WWP1: variants seen among roughly 807,000 people sequenced by gnomAD.
WWP1 encodes the protein NEDD4-like E3 ubiquitin-protein ligase WWP1.
In WWP1, 49 loss-of-function variants were observed where a neutral mutation model predicts 130.6. The observed-to-expected ratio is 0.38, with a 90% CI of 0.30 to 0.48. The LOEUF (loss-of-function observed/expected upper bound fraction) is 0.48, where lower values mean the gene tolerates loss of function less well. WWP1 is among the 20% of genes least tolerant of loss of function. The probability of loss-of-function intolerance (pLI) is 0.99; values close to 1 mark genes in which losing one functional copy is unlikely to be tolerated. For missense variants in WWP1, 809 were observed against 1,100.6 expected (o/e 0.74, Z 3.75); for synonymous variants, 332 against 367.8 (o/e 0.90, Z 1.11).
chr8:86,424,548 A>G (rs924065320), intron 9 of WWP1, among the ~76,000 whole-genome samples: 1 of 151,944 alleles, frequency 6.6e-6, no homozygotes, highest in Non-Finnish European at 1.5e-5. Context: ...TCCGTCTGCA[A>G]TCCCGGCACC....
Position 86,381,627 on chromosome 8 carries a change from A to G in WWP1, c.332A>G (p.Lys111Arg). Reference sequence around the variant, plus strand: ...CAAGCTCTGTTGATACACAATAGAAAATGTAAGTTTTTTGTTCTGACCTTT... The same window carrying G: ...CAAGCTCTGTTGATACACAATAGAAGATGTAAGTTTTTTGTTCTGACCTTT... ...LKQALLIHNR[K>R]LERVKEQLKL... Residue 111 changes from lysine to arginine, a missense_variant and splice_region_variant, in exon 5 of 25, where the codon AAA (lysine) becomes AGA (arginine). Transcript: ENST00000517970. The G allele has an allele frequency of 1.3e-6, 2 of 1,579,592 alleles. No individual in the cohort carries two copies. The highest frequency in any genetic ancestry group is 1.7e-6 in the Non-Finnish European group (2 of 1,169,830).
At chr8:86,375,639 G>T (rs1163437009) in intron 3 of WWP1, among the ~76,000 whole-genome samples, 6 of 152,046 alleles carry the variant, frequency 3.9e-5, no homozygotes, top group Non-Finnish European at 5.9e-5. Flanking sequence ...GCCATATCCT[G>T]TTGAATAGAT....
intron 1 of WWP1, among the ~76,000 whole-genome samples, chr8:86,363,907 G>A (rs774414377): frequency 1.3e-5 from 2 of 151,738 alleles, no homozygotes; most frequent in African/African-American, 2.4e-5. Flanking sequence ...AATGACAAAA[G>A]TAGTGTACGT....
chr8:86,431,845 G>A (rs1291180764), intron 14 of WWP1, 102 bp downstream of exon 14: 13 of 1,508,066 alleles, frequency 8.6e-6, no homozygotes, highest in African/African-American at 8.4e-5. Context: ...TTACTTTTTG[G>A]TTCAAGAAAA....
intron 8 of WWP1, among the ~76,000 whole-genome samples, chr8:86,404,848 C>T (rs1397634441): frequency 6.6e-6 from 1 of 152,208 alleles, no homozygotes; most frequent in Non-Finnish European, 1.5e-5. Context: ...ATTCTGTGCA[C>T]TTTGCCTTCT....
intron 5 of WWP1, among the ~76,000 whole-genome samples, chr8:86,383,242 T>C (rs1038479568): frequency 1.3e-5 from 2 of 152,164 alleles, no homozygotes; most frequent in African/African-American, 4.8e-5. Flanking sequence ...GTAATAGATT[T>C]TATAAGTATA....
chr8:86,343,264 C>T (rs1008732201), intron 1 of WWP1: 7 of 156,092 alleles, frequency 4.5e-5, no homozygotes, highest in Admixed American at 1.3e-4. Flanking sequence ...CTCCACCTTT[C>T]CCTAACACCT....
chr8:86,363,485 A>C (rs1823786445), intron 1 of WWP1, among the ~76,000 whole-genome samples: 1 of 151,960 alleles, frequency 6.6e-6, no homozygotes, highest in African/African-American at 2.4e-5. Flanking sequence ...TTTTTTAACA[A>C]AGGCTACTGA....
At chr8:86,444,790 A>T (rs780062997) in intron 18 of WWP1, among the ~76,000 whole-genome samples, 45 of 152,190 alleles carry the variant, frequency 3.0e-4, no homozygotes, top group Non-Finnish European at 5.4e-4. Context: ...ACAAGGAATC[A>T]TAGAGAATTG....
At chr8:86,429,114 C>T (rs1809796129) in intron 11 of WWP1, among the ~76,000 whole-genome samples, 1 of 152,086 alleles carries the variant, frequency 6.6e-6, no homozygotes, top group South Asian at 2.1e-4. Flanking sequence ...CCTGTTACTT[C>T]GTTTATATAC....
Position 86,466,831 on chromosome 8 carries a change from G to A in WWP1, c.2707G>A (p.Glu903Lys). 6.2e-7 allele frequency: 1 copy of A among 1,604,864 alleles called. No homozygotes were observed. The highest frequency in any genetic ancestry group is 8.5e-7 in the Non-Finnish European group (1 of 1,177,678). ...GGATCTACCACCATATAAGAGTTAT[G>A]AACAACTAAAGGAAAAACTTCTTTT... ...RLDLPPYKSYEQLKEKLLFAI... is the reference protein window; with the variant it reads ...RLDLPPYKSYKQLKEKLLFAI... The change falls in exon 25 of 25, where the codon GAA becomes AAA. Residue 903 changes from glutamate (E) to lysine (K), a missense_variant. By Grantham distance (56) the Glu-to-Lys change is moderately conservative (BLOSUM62 1). Around this residue, in one of 3 missense-constraint regions of WWP1, gnomAD observed 450 missense variants for 674.2 expected, o/e 0.67. Coordinates refer to ENST00000517970, the MANE Select transcript of WWP1 (RefSeq NM_007013.4).
chr8:86,408,841 C>T (rs1446720236), intron 8 of WWP1, among the ~76,000 whole-genome samples: 1 of 151,890 alleles, frequency 6.6e-6, no homozygotes, highest in African/African-American at 2.4e-5. Context: ...ACCTGGGGTG[C>T]TGAGGTTTCA....
At chr8:86,378,349 C>G (rs1365643649) in intron 3 of WWP1, among the ~76,000 whole-genome samples, 1 of 151,752 alleles carries the variant, frequency 6.6e-6, no homozygotes, top group Non-Finnish European at 1.5e-5. Flanking sequence ...GCCTTTGTTT[C>G]CATTGGTAAA....
chr8:86,427,884 T>C (rs931753062), intron 11 of WWP1, 67 bp downstream of exon 11: 1 of 1,393,982 alleles, frequency 7.2e-7, no homozygotes, highest in Non-Finnish European at 9.8e-7. Context: ...TTTTTTTTTT[T>C]GCTATCCCTT....
chr8:86,412,151 C>CT (rs946489780), intron 9 of WWP1, among the ~76,000 whole-genome samples: 2 of 152,166 alleles, frequency 1.3e-5, no homozygotes, highest in Non-Finnish European at 2.9e-5. Context: ...TTTATTTCTA[C>CT]TTTTCGTAAG....
chr8:86,346,619 C>T lies in WWP1; in HGVS notation c.-115+3689C>T, dbSNP rs1822599353. ...TTGGTAAACAGTTGACTTTTCTGCA[C>T]CTGTAAGATTATCTCCCTGGTAATA... On this transcript the variant is annotated intron_variant, in intron 1 of 24. Transcript: ENST00000517970. 2.0e-5 allele frequency among the ~76,000 whole-genome samples: 3 copies of T among 152,186 alleles called. No individual in the cohort carries two copies. In the South Asian group the frequency reaches 6.2e-4, roughly 32 times the overall value.
chr8:86,358,394 T>C (rs1823374384), intron 1 of WWP1, among the ~76,000 whole-genome samples: 1 of 152,240 alleles, frequency 6.6e-6, no homozygotes, highest in African/African-American at 2.4e-5. Context: ...CCATCTTTTA[T>C]TGTTGTCTTA....
chr8:86,434,847 C>T (rs1293498499), intron 14 of WWP1, among the ~76,000 whole-genome samples: 1 of 152,170 alleles, frequency 6.6e-6, no homozygotes, highest in Non-Finnish European at 1.5e-5. Flanking sequence ...TGTTCCTTAA[C>T]ATTATGAAAG....
chr8:86,376,617 T>C (rs1416748724), intron 3 of WWP1, among the ~76,000 whole-genome samples: 1 of 151,794 alleles, frequency 6.6e-6, no homozygotes, highest in Admixed American at 6.6e-5. Flanking sequence ...CTGATCTGGC[T>C]AATTTGAGGT....
Sources: gnomAD v4.1 joint callset for allele counts (sites outside exome capture counted in the v4.1 genomes callset) on GRCh38, gnomAD v4.1.1 for gene constraint, gnomAD v4.1.1 regional missense constraint, MANE v1.5 for transcripts, NCBI Gene and HGNC (gene_info 2026-07-23, HGNC 2026-07-21) for gene names.